DLGAP2: variants seen among roughly 807,000 people sequenced by gnomAD.
The protein encoded by DLGAP2 is DLG associated protein 2, also known as disks large-associated protein 2.
A neutral mutation model predicts 100.3 loss-of-function variants in DLGAP2; 26 were observed. That is an observed-to-expected ratio of 0.26 (90% confidence interval 0.19 to 0.36). The LOEUF (loss-of-function observed/expected upper bound fraction) is 0.36, where lower values mean the gene tolerates loss of function less well. Among genes scored for constraint, DLGAP2 ranks in the 10% least tolerant of loss-of-function variants. DLGAP2 has a pLI of 1.00. For missense variants in DLGAP2, 1,858 were observed against 1,453.2 expected, an observed-to-expected ratio of 1.28 and a Z score of -4.53; for synonymous variants, 886 against 630.1, an observed-to-expected ratio of 1.41 and a Z score of -6.08.
chr8:1,522,893 G>A (rs1034588787), intron 4 of DLGAP2, among the ~76,000 whole-genome samples: 1 of 152,220 alleles, frequency 6.6e-6, no homozygotes, highest in Non-Finnish European at 1.5e-5. Flanking sequence ...AAATTAGGGA[G>A]TAGCTCTACA....
At chr8:1,183,371 G>C (rs78567122) in intron 2 of DLGAP2, among the ~76,000 whole-genome samples, 6,220 of 152,316 alleles carry the variant, frequency 0.041, 433 homozygotes, top group African/African-American at 0.13. Context: ...GATTATAGAT[G>C]TGGCAGTGCT....
chr8:1,133,397 A>G (rs1416854922), intron 2 of DLGAP2, among the ~76,000 whole-genome samples: 1 of 152,170 alleles, frequency 6.6e-6, no homozygotes, highest in East Asian at 1.9e-4. Flanking sequence ...AATTATATTG[A>G]TCATTAATAG....
At chr8:1,241,443 C>G (rs1218748703) in intron 2 of DLGAP2, among the ~76,000 whole-genome samples, 1 of 152,234 alleles carries the variant, frequency 6.6e-6, no homozygotes, top group Middle Eastern at 3.2e-3. Context: ...GTCTGGAGCT[C>G]TCTCACACCC....
chr8:1,625,521 ACTC>A (rs1310448724), intron 6 of DLGAP2, among the ~76,000 whole-genome samples: 1 of 152,148 alleles, frequency 6.6e-6, no homozygotes, highest in Non-Finnish European at 1.5e-5. Context: ...CATTTAGCCT[ACTC>A]CTCCTATTAT....
intron 1 of DLGAP2, among the ~76,000 whole-genome samples, chr8:835,548 TC>T (rs950617272): frequency 2.0e-5 from 3 of 151,252 alleles, no homozygotes; most frequent in African/African-American, 7.3e-5. Flanking sequence ...TAGTCCGTGG[TC>T]CCCCGTGCTC....
intron 2 of DLGAP2, among the ~76,000 whole-genome samples, chr8:1,180,689 A>G (rs1797364933): frequency 1.3e-5 from 2 of 148,638 alleles, no homozygotes; most frequent in Admixed American, 6.7e-5. Context: ...GGGCAGTACA[A>G]TTACCGTCGA....
At chr8:1,686,194 G>A (rs998344047) in intron 12 of DLGAP2, among the ~76,000 whole-genome samples, 3 of 152,152 alleles carry the variant, frequency 2.0e-5, no homozygotes, top group African/African-American at 4.8e-5. Context: ...TAGAAAAATG[G>A]ATAAAGAAAA....
chr8:1,335,780 G>A (rs1801259398), intron 3 of DLGAP2, among the ~76,000 whole-genome samples: 1 of 152,222 alleles, frequency 6.6e-6, no homozygotes, highest in Non-Finnish European at 1.5e-5. Flanking sequence ...GTCCTTCCTT[G>A]TTCCAGAGTG....
At chr8:1,414,557 T>G (rs537795814) in intron 3 of DLGAP2, among the ~76,000 whole-genome samples, 5 of 152,150 alleles carry the variant, frequency 3.3e-5, no homozygotes, top group Non-Finnish European at 7.3e-5. Flanking sequence ...TGGGTCCCAG[T>G]GCAGAGTCCA....
chr8:1,419,201 CGTGCGTGTGTGT>C lies in DLGAP2; in HGVS notation c.107-82161_107-82150del, dbSNP rs199888135. 1.6e-3 allele frequency among the ~76,000 whole-genome samples: 220 copies of C among 133,422 alleles called. 2 individuals are homozygous for C. In the East Asian group the frequency reaches 0.018, roughly 11 times the overall value. 87.5% of individuals were successfully genotyped at this position (133,422 alleles called of 152,430 possible). On this transcript the variant is annotated intron_variant, in intron 3 of 14. Transcript: ENST00000637795. ...TGGGATACTGTGTTACACTCTGATG[CGTGCGTGTGTGT>C]GTGTGTGTGTGTGTGTGTGTAGGTT...
chr8:888,463 T>C (rs888536244), intron 1 of DLGAP2, among the ~76,000 whole-genome samples: 1 of 152,244 alleles, frequency 6.6e-6, no homozygotes, highest in Non-Finnish European at 1.5e-5. Flanking sequence ...TCTGGCCTTT[T>C]GGGTTTTCAG....
chr8:1,209,969 A>G (rs1318871059), intron 2 of DLGAP2, among the ~76,000 whole-genome samples: 1 of 152,126 alleles, frequency 6.6e-6, no homozygotes, highest in African/African-American at 2.4e-5. Context: ...CTTTTTAGCA[A>G]CTCAAATAAT....
intron 2 of DLGAP2, among the ~76,000 whole-genome samples, chr8:919,798 T>G (rs912473312): frequency 6.6e-6 from 1 of 152,266 alleles, no homozygotes; most frequent in African/African-American, 2.4e-5. Context: ...GCCATGTGGC[T>G]GTGCTCTCTG....
intron 1 of DLGAP2, among the ~76,000 whole-genome samples, chr8:797,695 C>T (rs1796063670): frequency 6.6e-6 from 1 of 152,130 alleles, no homozygotes; most frequent in African/African-American, 2.4e-5. Flanking sequence ...GCTCCTGGCT[C>T]TCCGGGTCCT....
chr8:828,000 G>A (rs1301568092), intron 1 of DLGAP2, among the ~76,000 whole-genome samples: 1 of 152,146 alleles, frequency 6.6e-6, no homozygotes, highest in Non-Finnish European at 1.5e-5. Context: ...CTTTATTAGG[G>A]ATTTTCAAAA....
At chr8:1,071,893 C>G (rs539257403) in intron 2 of DLGAP2, among the ~76,000 whole-genome samples, 2 of 152,340 alleles carry the variant, frequency 1.3e-5, no homozygotes, top group East Asian at 3.9e-4. Flanking sequence ...AGGAGGCTCC[C>G]TGGCCTGTGA....
At chr8:1,628,886 C>G (rs1214179103) in intron 7 of DLGAP2, among the ~76,000 whole-genome samples, 1 of 152,252 alleles carries the variant, frequency 6.6e-6, no homozygotes, top group African/African-American at 2.4e-5. Context: ...TTTCTGTGCC[C>G]TCCCATTATG....
At chr8:1,009,409 T>C (rs1359131698) in intron 2 of DLGAP2, among the ~76,000 whole-genome samples, 2 of 152,246 alleles carry the variant, frequency 1.3e-5, no homozygotes, top group Non-Finnish European at 2.9e-5. Flanking sequence ...TGGAAGGAGA[T>C]TCTAAATATT....
intron 2 of DLGAP2, among the ~76,000 whole-genome samples, chr8:1,204,882 C>G (rs577754706): frequency 3.3e-5 from 5 of 152,212 alleles, no homozygotes; most frequent in Non-Finnish European, 7.3e-5. Context: ...TCTCCAGAGC[C>G]TGGACTTGGT....
Sources: gnomAD v4.1 joint callset for allele counts (sites outside exome capture counted in the v4.1 genomes callset) on GRCh38, gnomAD v4.1.1 for gene constraint, MANE v1.5 for transcripts, NCBI Gene and HGNC (gene_info 2026-07-23, HGNC 2026-07-21) for gene names.